Variants in FIBCD1 observed in about 807,000 individuals in gnomAD.
FIBCD1 encodes fibrinogen C domain-containing protein 1.
A neutral mutation model predicts 45.1 loss-of-function variants in FIBCD1; 47 were observed. The ratio of observed to expected loss-of-function variants is 1.04; its 90% CI spans 0.82 to 1.33. The LOEUF is 1.33. Among genes scored for constraint, FIBCD1 ranks in the 40% most tolerant of loss-of-function variants. The pLI is 0.00. For synonymous variants in FIBCD1, 313 were observed against 308.1 expected (o/e 1.02, Z -0.17); for missense variants, 653 against 682.2 (o/e 0.96, Z 0.48).
At chr9:130,916,278 A>G (rs1588107456) in intron 4 of FIBCD1, among the ~76,000 whole-genome samples, 1 of 152,268 alleles carries the variant, frequency 6.6e-6, no homozygotes, top group Non-Finnish European at 1.5e-5. Flanking sequence ...TATTTGATTG[A>G]AAAAATAATG....
At position 130,925,171 on chromosome 9, in the gene FIBCD1, G is replaced by T. The variant is rs922395106; in HGVS notation, c.553-775C>A. On this transcript the variant is annotated intron_variant, in intron 2 of 6. Coordinates refer to ENST00000372338, the MANE Select transcript of FIBCD1 (RefSeq NM_032843.5). ...TCACTCTGAGTTTCTGGGGCTCTCC[G>T]ATGTCCATGACCTCACTGGGTCCCC... Among the ~76,000 whole-genome samples, 25 of 152,018 alleles carry T rather than the reference G, an allele frequency of 1.6e-4. 1 individual carries two copies. Among genetic ancestry groups the T allele is most frequent in the Non-Finnish European group, 2.9e-5 (2 of 67,996 alleles).
At chr9:130,920,898 C>T (rs1332539989) in intron 4 of FIBCD1, among the ~76,000 whole-genome samples, 2 of 152,204 alleles carry the variant, frequency 1.3e-5, no homozygotes, top group South Asian at 2.1e-4. Context: ...CGCTGCTGAC[C>T]TCCCTGACCC....
intron 5 of FIBCD1, among the ~76,000 whole-genome samples, chr9:130,907,275 A>ACCTGGGG (rs905863940): frequency 6.7e-6 from 1 of 149,914 alleles, no homozygotes; most frequent in Non-Finnish European, 1.5e-5. Flanking sequence ...GTGGGTGGGG[A>ACCTGGGG]CCTGGGGCCT....
rs1157292435 is a variant in FIBCD1, at chr9:130,906,151, C to T, written c.947-738G>A. 2.6e-5 allele frequency among the ~76,000 whole-genome samples: 4 copies of T among 152,100 alleles called. No individual in the cohort carries two copies. In the East Asian group the frequency reaches 7.7e-4, roughly 29 times the overall value. ...GCCGGCTCTGTGCCCCCATCCTACTCTCTCCCTCCTGCTGTCCCCGCCCCA... is the reference window on the plus strand; with the variant it reads ...GCCGGCTCTGTGCCCCCATCCTACTTTCTCCCTCCTGCTGTCCCCGCCCCA... On this transcript the variant is annotated intron_variant, in intron 5 of 6. Transcript: ENST00000372338.
intron 1 of FIBCD1, among the ~76,000 whole-genome samples, chr9:130,937,211 G>A (rs1225406937): frequency 1.3e-5 from 2 of 152,160 alleles, no homozygotes; most frequent in African/African-American, 4.8e-5. Context: ...TCAGCAGGAG[G>A]GGACTTGTTA....
chr9:130,923,028 C>T (rs1260621805), intron 4 of FIBCD1, among the ~76,000 whole-genome samples: 1 of 152,204 alleles, frequency 6.6e-6, no homozygotes, highest in East Asian at 1.9e-4. Context: ...GGGACAGGGG[C>T]TTCTCCATCT....
chr9:130,903,710 G>A lies in FIBCD1; in HGVS notation c.*354C>T. 2.4e-6 allele frequency: 1 copy of A among 417,084 alleles called. No individual in the cohort carries two copies. Among genetic ancestry groups the A allele is most frequent in the Non-Finnish European group, 4.5e-6 (1 of 220,360 alleles). 25.8% of individuals were successfully genotyped at this position (417,084 alleles called of 1,614,324 possible). On this transcript the variant is annotated 3_prime_UTR_variant, in exon 7 of 7. Transcript: ENST00000372338. ...TCTGTCCCCATAATGCCGGGTATTT[G>A]GCCGGGCAGGGCAGAGGGTGCCTGG...
chr9:130,931,466 G>C (rs905379613), intron 1 of FIBCD1, among the ~76,000 whole-genome samples: 1 of 152,168 alleles, frequency 6.6e-6, no homozygotes, highest in Non-Finnish European at 1.5e-5. Context: ...CCAAGACCAT[G>C]ACACTGAACT....
At chr9:130,935,546 C>T (rs975394244) in intron 1 of FIBCD1, among the ~76,000 whole-genome samples, 1 of 152,212 alleles carries the variant, frequency 6.6e-6, no homozygotes, top group Non-Finnish European at 1.5e-5. Flanking sequence ...AGATGGGGCC[C>T]AAGGCGTTTC....
Position 130,904,223 on chromosome 9 carries a change from C to A in FIBCD1, c.1227G>T (p.Trp409Cys), listed in dbSNP as rs757747761. 9 of 1,613,796 alleles carry A rather than the reference C, an allele frequency of 5.6e-6. No individual in the cohort carries two copies. The highest frequency in any genetic ancestry group is 1.3e-5 in the African/African-American group (1 of 75,058). ...NNCAAFYRGA[W>C]WYRNCHTSNL... is the part of the protein sequence containing the mutation. The stretch of plus-strand genomic sequence containing the variant: ...TGGACGTGTGGCAGTTGCGGTACCA[C>A]CAGGCACCGCGGTAGAAGGCGGCAC... Residue 409 changes from tryptophan to cysteine, a missense_variant, in exon 7 of 7, where the codon TGG becomes TGT. Trp to Cys is a radical substitution (Grantham distance 215). Transcript: ENST00000372338.
At chr9:130,932,896 A>C (rs1467581266) in intron 1 of FIBCD1, among the ~76,000 whole-genome samples, 1 of 152,182 alleles carries the variant, frequency 6.6e-6, no homozygotes, top group Non-Finnish European at 1.5e-5. Context: ...GTCGGGAGAC[A>C]CCTTGCCCCG....
At position 130,938,638 on chromosome 9, in the gene FIBCD1, G is replaced by A. The variant is rs1239726568; in HGVS notation, c.-31C>T. ...GGCAGGACTGGCGGGGGCGCCGGGCGAGGCGCGCCGCTGCGGAGCGCAAAG... is the reference window on the plus strand; with the variant it reads ...GGCAGGACTGGCGGGGGCGCCGGGCAAGGCGCGCCGCTGCGGAGCGCAAAG... On this transcript the variant is annotated 5_prime_UTR_variant, in exon 1 of 7. Transcript: ENST00000372338. The A allele has an allele frequency of 3.6e-6, 5 of 1,397,438 alleles. No homozygotes were observed. The highest frequency in any genetic ancestry group is 2.9e-5 in the South Asian group (2 of 69,230). The allele number at this position is 1,397,438 out of a possible 1,614,324, so 86.6% of individuals were successfully genotyped here.
At chr9:130,930,325 C>T (rs1347568919) in intron 1 of FIBCD1, among the ~76,000 whole-genome samples, 1 of 150,170 alleles carries the variant, frequency 6.7e-6, no homozygotes, top group Non-Finnish European at 1.5e-5. Flanking sequence ...TAGGGAGAGA[C>T]GGGGAGACGC....
Position 130,934,446 on chromosome 9 carries a change from G to A in FIBCD1, c.72+4090C>T, listed in dbSNP as rs75861494. Among the ~76,000 whole-genome samples the A allele has an allele frequency of 1.3e-3, 205 of 152,332 alleles. 1 individual carries two copies. The East Asian group carries it at 0.035, about 26-fold the overall frequency. On this transcript the variant is annotated intron_variant, in intron 1 of 6. Coordinates refer to ENST00000372338, the MANE Select transcript of FIBCD1 (RefSeq NM_032843.5). ...GGGCCATCTGGCGTCTCAGGCCACA[G>A]GGAGGGGCGCAGGAGGGGCTGAAGG...
rs1464016112 is a variant in FIBCD1, at chr9:130,910,269, A to G, written c.946+1523T>C. On this transcript the variant is annotated intron_variant, in intron 5 of 6. Coordinates refer to ENST00000372338, the MANE Select transcript of FIBCD1 (RefSeq NM_032843.5). ...CAATGAGGAACTTAGCACCTGGGCC[A>G]GCGGCTGTGGAGGGTGTACTGGGTC... Among the ~76,000 whole-genome samples, 3 of 152,316 alleles carry G rather than the reference A, an allele frequency of 2.0e-5. No individual in the cohort carries two copies. In the East Asian group the frequency reaches 5.8e-4, roughly 29 times the overall value.
At chr9:130,904,502 C>T (rs567376927) in intron 6 of FIBCD1, among the ~76,000 whole-genome samples, 179 bp from the exon 7 acceptor site, 80 of 152,312 alleles carry the variant, frequency 5.3e-4, no homozygotes, top group African/African-American at 1.6e-3. Flanking sequence ...CCTCCACACC[C>T]GGGTGTGTCC....
At chr9:130,909,492 G>A (rs1312126645) in intron 5 of FIBCD1, among the ~76,000 whole-genome samples, 1 of 152,170 alleles carries the variant, frequency 6.6e-6, no homozygotes, top group African/African-American at 2.4e-5. Context: ...AAAAGGTTCT[G>A]GACCCAGTGG....
At chr9:130,914,580 C>T (rs569614895) in intron 4 of FIBCD1, among the ~76,000 whole-genome samples, 2 of 152,324 alleles carry the variant, frequency 1.3e-5, no homozygotes, top group Non-Finnish European at 1.5e-5. Flanking sequence ...GCGTGCCCAA[C>T]CAGGGGCAGG....
At position 130,927,412 on chromosome 9, in the gene FIBCD1, C is replaced by T. The variant is rs994183982; in HGVS notation, c.552+2155G>A. Among the ~76,000 whole-genome samples, 10 of 152,234 alleles carry T rather than the reference C, an allele frequency of 6.6e-5. No homozygotes were observed. In the South Asian group the frequency reaches 8.3e-4, roughly 13 times the overall value. ...GAGCCAGCCAAGCCCTGTAGCCAGGCGCTCCAATATCCCCTCAGCATAGAC... is the reference window on the plus strand; with the variant it reads ...GAGCCAGCCAAGCCCTGTAGCCAGGTGCTCCAATATCCCCTCAGCATAGAC... On this transcript the variant is annotated intron_variant, in intron 2 of 6. Transcript: ENST00000372338.
Sources: allele counts gnomAD v4.1 joint callset (sites outside exome capture counted in the v4.1 genomes callset), GRCh38; gene constraint gnomAD v4.1.1; transcripts MANE v1.5; gene names NCBI Gene and HGNC (gene_info 2026-07-23, HGNC 2026-07-21).